The following TDRD9 variants were observed in gnomAD, a reference collection of about 807,000 sequenced individuals.
TDRD9 encodes ATP-dependent RNA helicase TDRD9.
A neutral mutation model predicts 172.6 loss-of-function variants in TDRD9; 124 were observed. That is an observed-to-expected ratio of 0.72 (90% CI 0.62 to 0.83). The LOEUF (loss-of-function observed/expected upper bound fraction) is 0.83, where lower values mean the gene tolerates loss of function less well. Among genes scored for constraint, TDRD9 ranks in the 40% least tolerant of loss-of-function variants. The pLI, the probability that TDRD9 is intolerant of heterozygous loss-of-function variation, is 0.00. For missense variants in TDRD9, 1,479 were observed against 1,714.1 expected (o/e 0.86, Z 2.42); for synonymous variants, 619 against 617.1 (o/e 1.00, Z -0.05).
intron 32 of TDRD9, among the ~76,000 whole-genome samples, chr14:104,036,030 C>T (rs544474357): frequency 1.3e-5 from 2 of 151,638 alleles, no homozygotes; most frequent in African/African-American, 4.8e-5. Context: ...AAAATATGTG[C>T]TACTTAGAAA....
chr14:103,938,832 T>G (rs1179138724), intron 1 of TDRD9, among the ~76,000 whole-genome samples: 1 of 152,180 alleles, frequency 6.6e-6, no homozygotes, highest in Non-Finnish European at 1.5e-5. Context: ...TTCAGGAAGT[T>G]ATTTGTATTA....
chr14:103,936,248 C>A (rs1306605087), intron 1 of TDRD9, among the ~76,000 whole-genome samples: 1 of 152,044 alleles, frequency 6.6e-6, no homozygotes, highest in Non-Finnish European at 1.5e-5. Context: ...TGCTGCCATG[C>A]CTGACAAATT....
intron 27 of TDRD9, 93 bp from the exon 28 acceptor site, chr14:104,026,586 G>A (rs1383595328): frequency 2.9e-6 from 4 of 1,382,554 alleles, no homozygotes; most frequent in Non-Finnish European, 4.0e-6. Flanking sequence ...TATTATTGAA[G>A]GTACATGAAC....
intron 1 of TDRD9, among the ~76,000 whole-genome samples, chr14:103,954,208 A>G (rs576080941): frequency 1.1e-3 from 166 of 152,368 alleles, no homozygotes; most frequent in African/African-American, 3.8e-3. Context: ...AAAATGATAC[A>G]CATTAACTAA....
intron 9 of TDRD9, among the ~76,000 whole-genome samples, chr14:103,992,631 A>G (rs924962163): frequency 1.3e-5 from 2 of 152,180 alleles, no homozygotes; most frequent in Non-Finnish European, 2.9e-5. Context: ...AGGCTTAAGA[A>G]CACCTAACAC....
intron 32 of TDRD9, among the ~76,000 whole-genome samples, chr14:104,037,632 C>T (rs1380607737): frequency 6.6e-6 from 1 of 152,178 alleles, no homozygotes; most frequent in Non-Finnish European, 1.5e-5. Context: ...TAAGCAGAGA[C>T]ATCTAAGTGG....
At chr14:103,936,578 A>G (rs2030779340) in intron 1 of TDRD9, among the ~76,000 whole-genome samples, 1 of 152,232 alleles carries the variant, frequency 6.6e-6, no homozygotes, top group Admixed American at 6.5e-5. Context: ...AAACAATAAA[A>G]ATCACAATAT....
In TDRD9 at chr14:103,928,551, C is replaced by T. The variant is rs1210627871; in HGVS notation, c.42C>T (p.Phe14=). The T allele has an allele frequency of 1.4e-6, 2 of 1,388,946 alleles. No individual in the cohort carries two copies. The highest frequency in any genetic ancestry group is 1.9e-6 in the Non-Finnish European group (2 of 1,058,534). 86.0% of individuals were successfully genotyped at this position (1,388,946 alleles called of 1,614,324 possible). A position where few individuals can be genotyped will look rare whatever the true frequency, so the allele number is the denominator to read the frequency against. Residue 14 remains phenylalanine, a synonymous_variant, in exon 1 of 36, where the codon TTC becomes TTT. Transcript: ENST00000409874. ...KLTIEQINDW[F]TIGKTVTNVE... ...CCATCGAGCAGATCAACGACTGGTT[C>T]ACCATCGGCAAGACGGTGACCAATG...
Position 104,040,240 on chromosome 14 carries a change from T to C in TDRD9, c.3761T>C (p.Leu1254Ser). 6.4e-7 allele frequency: 1 copy of C among 1,551,144 alleles called. No individual in the cohort carries two copies. Among genetic ancestry groups the C allele is most frequent in the Non-Finnish European group, 8.7e-7 (1 of 1,146,638 alleles). Residue 1254 changes from leucine (L) to serine (S), a missense_variant, in exon 33 of 36, where the codon TTG (leucine) becomes TCG (serine). This residue lies in a region of TDRD9 where 1,413 missense variants were observed against 1,649.1 expected (regional missense o/e 0.86). Coordinates refer to ENST00000409874, the MANE Select transcript of TDRD9 (RefSeq NM_153046.3). ...GKYYTGVLCG[L>S]GWNPATGASI... ...TACTATACTGGAGTCCTTTGTGGTTTGGGGTGGAATCCAGCTACAGGGGCT... is the reference window on the plus strand; with the variant it reads ...TACTATACTGGAGTCCTTTGTGGTTCGGGGTGGAATCCAGCTACAGGGGCT...
At chr14:103,930,268 A>C (rs1595885244) in intron 1 of TDRD9, among the ~76,000 whole-genome samples, 1 of 150,118 alleles carries the variant, frequency 6.7e-6, no homozygotes, top group Non-Finnish European at 1.5e-5. Context: ...CTCACCACAA[A>C]CCTCCGCCTC....
intron 13 of TDRD9, among the ~76,000 whole-genome samples, chr14:104,001,943 T>C (rs1027283183): frequency 6.6e-6 from 1 of 152,002 alleles, no homozygotes; most frequent in African/African-American, 2.4e-5. Context: ...GTAAACTCTT[T>C]CCATGGTGGC....
chr14:103,987,897 C>T (rs1422353528), intron 8 of TDRD9, among the ~76,000 whole-genome samples: 6 of 152,084 alleles, frequency 3.9e-5, no homozygotes. Flanking sequence ...TCTTTTCTGT[C>T]AGTTTTTGCT....
chr14:103,930,442 C>T (rs2030307148), intron 1 of TDRD9, among the ~76,000 whole-genome samples: 1 of 152,228 alleles, frequency 6.6e-6, no homozygotes, highest in Non-Finnish European at 1.5e-5. Context: ...TCCCAAAGTG[C>T]TGGGATTCCA....
At chr14:103,966,855 A>C in intron 5 of TDRD9, 24 bp downstream of exon 5, 2 of 1,543,316 alleles carry the variant, frequency 1.3e-6, no homozygotes, top group Non-Finnish European at 1.7e-6. Context: ...TCTACTTGTA[A>C]AGGTCATATT....
At chr14:104,003,940 G>A (rs1156670383) in intron 13 of TDRD9, among the ~76,000 whole-genome samples, 3 of 152,100 alleles carry the variant, frequency 2.0e-5, no homozygotes, top group African/African-American at 7.2e-5. Context: ...GGCCAAGGTT[G>A]TTTTCTTCAG....
chr14:103,996,714 A>G (rs1353936157), intron 12 of TDRD9, among the ~76,000 whole-genome samples: 3 of 152,204 alleles, frequency 2.0e-5, no homozygotes, highest in Non-Finnish European at 4.4e-5. Flanking sequence ...AAAATAGACA[A>G]AAAGCCTTTG....
intron 32 of TDRD9, 51 bp from the exon 33 acceptor site, chr14:104,040,145 A>G: frequency 7.3e-7 from 1 of 1,362,810 alleles, no homozygotes; most frequent in Middle Eastern, 1.9e-4. Context: ...GCTAAAACAT[A>G]TACTTTAACA....
rs1411068409 is a variant in TDRD9 at position 104,005,145 on chromosome 14, C to A, written c.1582-129C>A. 6 of 819,278 alleles carry A rather than the reference C, an allele frequency of 7.3e-6. No homozygotes were observed. The East Asian group carries it at 8.1e-5, about 11-fold the overall frequency. 50.8% of individuals were successfully genotyped at this position (819,278 alleles called of 1,614,324 possible). A position where few individuals can be genotyped will look rare whatever the true frequency, so the allele number is the denominator to read the frequency against. On this transcript the variant is annotated intron_variant, in intron 14 of 35. Coordinates refer to ENST00000409874, the MANE Select transcript of TDRD9 (RefSeq NM_153046.3). ...CCTTCTCTTCTCTCCCTCCCTCAAT[C>A]CTCTCCATTTTTCTTTCTTCTCTCC... is the stretch of plus-strand genomic sequence containing the variant.
At position 104,014,920 on chromosome 14, in the gene TDRD9, C is replaced by T. The variant is rs549275423; in HGVS notation, c.2223+79C>T. 32 of 819,738 alleles carry T rather than the reference C, an allele frequency of 3.9e-5. No homozygotes were observed. The South Asian group carries it at 4.8e-4, about 12-fold the overall frequency. The allele number at this position is 819,738 out of a possible 1,614,324, so 50.8% of individuals were successfully genotyped here. ...TCTTGTGGTCGAGAAACTGCTTATT[C>T]CTGCTTTCTGATACAAACCAAACCT... On this transcript the variant is annotated intron_variant, in intron 21 of 35. Transcript: ENST00000409874.
Sources: gnomAD v4.1 joint callset for allele counts (sites outside exome capture counted in the v4.1 genomes callset) on GRCh38, gnomAD v4.1.1 for gene constraint, gnomAD v4.1.1 regional missense constraint, MANE v1.5 for transcripts, NCBI Gene and HGNC (gene_info 2026-07-23, HGNC 2026-07-21) for gene names.